SOHLH2: variants seen among roughly 807,000 people sequenced by gnomAD.
The protein encoded by SOHLH2 is spermatogenesis- and oogenesis-specific basic helix-loop-helix-containing protein 2.
In SOHLH2, 22 loss-of-function variants were observed where a neutral mutation model predicts 50.4. The observed-to-expected ratio is 0.44, with a 90% CI of 0.31 to 0.62. The LOEUF (loss-of-function observed/expected upper bound fraction) is 0.62. Ranked by LOEUF, SOHLH2 falls within the 20% of genes least tolerant of loss-of-function variation. The pLI, the probability that SOHLH2 is intolerant of heterozygous loss-of-function variation, is 0.08. For missense variants in SOHLH2, 412 were observed against 504.4 expected, an observed-to-expected ratio of 0.82 and a Z score of 1.76; for synonymous variants, 185 against 187.3, an observed-to-expected ratio of 0.99 and a Z score of 0.10.
chr13:36,170,244 G>A (rs1167643841), intron 10 of SOHLH2, among the ~76,000 whole-genome samples: 1 of 152,132 alleles, frequency 6.6e-6, no homozygotes, highest in Non-Finnish European at 1.5e-5. Flanking sequence ...GCAGAGGGGT[G>A]GGCAATCAGT....
At chr13:36,202,779 A>G (rs1868503096) in intron 1 of SOHLH2, among the ~76,000 whole-genome samples, 1 of 152,234 alleles carries the variant, frequency 6.6e-6, no homozygotes, top group African/African-American at 2.4e-5. Flanking sequence ...ATAGAAGACA[A>G]TTGGAAATGC....
chr13:36,170,120 T>G (rs1167165003), intron 10 of SOHLH2, among the ~76,000 whole-genome samples: 1 of 152,144 alleles, frequency 6.6e-6, no homozygotes, highest in Admixed American at 6.5e-5. Context: ...GAAAGCTTTT[T>G]GATTAGTGTA....
chr13:36,190,125 A>G lies in SOHLH2; in HGVS notation c.531-69T>C, dbSNP rs536741339. 8.1e-5 allele frequency: 113 copies of G among 1,393,972 alleles called. 2 individuals are homozygous for G. In the South Asian group the frequency reaches 1.2e-3, roughly 15 times the overall value. 86.4% of individuals were successfully genotyped at this position (1,393,972 alleles called of 1,614,324 possible). On this transcript the variant is annotated intron_variant, in intron 5 of 10. Coordinates refer to ENST00000379881, the MANE Select transcript of SOHLH2 (RefSeq NM_017826.3). ...TGTCGGGCAAAATTAAATAATACGC[A>G]CCAATACACTAAACAAAGGATGCTT...
chr13:36,211,936 A>G (rs1869150499), intron 1 of SOHLH2, among the ~76,000 whole-genome samples: 1 of 152,178 alleles, frequency 6.6e-6, no homozygotes, highest in Admixed American at 6.5e-5. Context: ...CCTGCAGAGC[A>G]TAAGCTTTAA....
chr13:36,214,454 T>C (rs755426412), intron 1 of SOHLH2, 25 bp downstream of exon 1: 3 of 1,610,312 alleles, frequency 1.9e-6, no homozygotes, highest in Non-Finnish European at 2.5e-6. Flanking sequence ...TAAACGCAGC[T>C]GCCTCCCCTT....
rs1414312117 is a variant in SOHLH2 at position 36,201,332 on chromosome 13, A to G, written c.263+547T>C. ...TGTGTGGGAATAATGTAAGCATTGC[A>G]TACTAAATAAATTTCTATGACAAAT... is the stretch of plus-strand genomic sequence containing the variant. On this transcript the variant is annotated intron_variant, in intron 2 of 10. Transcript: ENST00000379881. Among the ~76,000 whole-genome samples the G allele has an allele frequency of 3.3e-5, 5 of 152,220 alleles. No homozygotes were observed. In the East Asian group the frequency reaches 7.7e-4, roughly 23 times the overall value.
chr13:36,196,605 T>C lies in SOHLH2; in HGVS notation c.264-2738A>G, dbSNP rs191806108. Among the ~76,000 whole-genome samples, 4 of 152,304 alleles carry C rather than the reference T, an allele frequency of 2.6e-5. No homozygotes were observed. The East Asian group carries it at 7.7e-4, about 29-fold the overall frequency. On this transcript the variant is annotated intron_variant, in intron 2 of 10. Coordinates refer to ENST00000379881, the MANE Select transcript of SOHLH2 (RefSeq NM_017826.3). ...GCATAGTGGATTCAAAAAAGTAAATTATCCTAAGTTAAATACAGTTAAATG... is the reference window on the plus strand; with the variant it reads ...GCATAGTGGATTCAAAAAAGTAAATCATCCTAAGTTAAATACAGTTAAATG...
chr13:36,182,230 T>C lies in SOHLH2; in HGVS notation c.642-7361A>G, dbSNP rs983229168. ...TTCATGGGGAGAGAATTTTTGCAACTCAGACAAAATCTTGTATACAGTGAA... is the reference window on the plus strand; with the variant it reads ...TTCATGGGGAGAGAATTTTTGCAACCCAGACAAAATCTTGTATACAGTGAA... On this transcript the variant is annotated intron_variant, in intron 6 of 10. Transcript: ENST00000379881. 3.0e-6 allele frequency: 3 copies of C among 985,264 alleles called. No homozygotes were observed. In the African/African-American group the frequency reaches 5.2e-5, roughly 17 times the overall value. The allele number at this position is 985,264 out of a possible 1,614,324, so 61.0% of individuals were successfully genotyped here.
chr13:36,201,264 G>A (rs1022364263), intron 2 of SOHLH2, among the ~76,000 whole-genome samples: 2 of 151,862 alleles, frequency 1.3e-5, no homozygotes, highest in Non-Finnish European at 2.9e-5. Context: ...ATGAACTCTG[G>A]AAAGATGTAC....
In SOHLH2 at chr13:36,202,095, T is replaced by C. The variant is rs1412627277; in HGVS notation, c.49-2A>G. The C allele has an allele frequency of 6.2e-7, 1 of 1,614,060 alleles. No homozygotes were observed. Among genetic ancestry groups the C allele is most frequent in the Non-Finnish European group, 8.5e-7 (1 of 1,179,988 alleles). On this transcript the variant is annotated splice_acceptor_variant, in intron 1 of 10. Coordinates refer to ENST00000379881, the MANE Select transcript of SOHLH2 (RefSeq NM_017826.3). LOFTEE classifies it high-confidence loss of function. The stretch of plus-strand genomic sequence containing the variant: ...AACTAATAAGATGTCTATTTTTGCC[T>C]GAAAGAGAAGGAAGCAGAGGCGTCA...
At chr13:36,192,629 G>T (rs1175950501) in intron 4 of SOHLH2, among the ~76,000 whole-genome samples, 1 of 152,018 alleles carries the variant, frequency 6.6e-6, no homozygotes, top group Non-Finnish European at 1.5e-5. Context: ...TCTTAATTTT[G>T]CCAGCTTTAT....
Position 36,214,403 on chromosome 13 carries a change from G to T in SOHLH2, c.48+76C>A, listed in dbSNP as rs369987182. 1.7e-5 allele frequency: 26 copies of T among 1,535,106 alleles called. No homozygotes were observed. The South Asian group carries it at 2.0e-4, about 12-fold the overall frequency. On this transcript the variant is annotated intron_variant, in intron 1 of 10. Transcript: ENST00000379881. ...AGAGCTCCCCAGGCCGGGCTTTGAG[G>T]GCCGAGGGGACCACCGACCTAGGGC...
intron 5 of SOHLH2, 101 bp from the exon 6 acceptor site, chr13:36,190,157 G>C: frequency 9.4e-7 from 1 of 1,060,140 alleles, no homozygotes; most frequent in African/African-American, 1.6e-5. Context: ...GCTTCTCTAA[G>C]TCTCTTGCTT....
At chr13:36,209,084 G>A (rs1868950805) in intron 1 of SOHLH2, among the ~76,000 whole-genome samples, 1 of 151,782 alleles carries the variant, frequency 6.6e-6, no homozygotes, top group Non-Finnish European at 1.5e-5. Context: ...GTCTCTCCTT[G>A]TAAATCTTCT....
At chr13:36,196,224 C>G (rs1887725357) in intron 2 of SOHLH2, among the ~76,000 whole-genome samples, 1 of 151,642 alleles carries the variant, frequency 6.6e-6, no homozygotes, top group South Asian at 2.1e-4. Flanking sequence ...CTCCCAAGCT[C>G]AAGCGATCCT....
chr13:36,207,069 C>T (rs1225887336), intron 1 of SOHLH2, among the ~76,000 whole-genome samples: 1 of 151,528 alleles, frequency 6.6e-6, no homozygotes, highest in Admixed American at 6.6e-5. Flanking sequence ...TTTTCTTTAT[C>T]ATCTTTTCTG....
rs550773770 is a variant in SOHLH2 at position 36,168,691 on chromosome 13, G to A, written c.*343C>T. ...CTTCCCAATCTAATCATTTTATCGT[G>A]TCTACATGGATCTTCCTTATAGCAT... On this transcript the variant is annotated 3_prime_UTR_variant, in exon 11 of 11. Transcript: ENST00000379881. 576 of 313,814 alleles carry A rather than the reference G, an allele frequency of 1.8e-3. No homozygotes were observed. Among genetic ancestry groups the A allele is most frequent in the Non-Finnish European group, 2.2e-3 (384 of 172,764 alleles). The allele number at this position is 313,814 out of a possible 1,614,324, so 19.4% of individuals were successfully genotyped here.
rs1470334960 is a variant in SOHLH2, at chr13:36,190,060, G to C, written c.531-4C>G. 1.3e-6 allele frequency: 2 copies of C among 1,595,128 alleles called. No homozygotes were observed. The highest frequency in any genetic ancestry group is 4.5e-5 in the East Asian group (2 of 44,538). On this transcript the variant is annotated splice_region_variant and splice_polypyrimidine_tract_variant and intron_variant, in intron 5 of 10. Coordinates refer to ENST00000379881, the MANE Select transcript of SOHLH2 (RefSeq NM_017826.3). ...GCCATTCCTTAAAGATTCAGAGCTA[G>C]AAACAAGAGAAAATCACACCATACA...
chr13:36,195,318 T>G (rs1175893728), intron 2 of SOHLH2, among the ~76,000 whole-genome samples: 3 of 152,010 alleles, frequency 2.0e-5, no homozygotes, highest in East Asian at 3.9e-4. Context: ...CACAGAACAC[T>G]CTGGGCAAAA....
Sources: gnomAD v4.1 joint callset for allele counts (sites outside exome capture counted in the v4.1 genomes callset) on GRCh38, gnomAD v4.1.1 for gene constraint, MANE v1.5 for transcripts, NCBI Gene and HGNC (gene_info 2026-07-23, HGNC 2026-07-21) for gene names.